Variants in RTL4 observed in about 807,000 individuals in gnomAD.
RTL4 encodes the protein retrotransposon Gag like 4.
Under a neutral mutation model 5.3 loss-of-function variants are expected in RTL4, and 4 were observed. That is an observed-to-expected ratio of 0.75 (90% CI 0.37 to 1.72). RTL4 has a LOEUF of 1.72. Among genes scored for constraint, RTL4 ranks in the 40% most tolerant of loss-of-function variants. The probability of loss-of-function intolerance (pLI) is 0.04; values close to 1 mark genes in which losing one functional copy is unlikely to be tolerated. For missense variants in RTL4, 260 were observed against 227.1 expected, an observed-to-expected ratio of 1.14 and a Z score of -0.93; for synonymous variants, 98 against 87.3, an observed-to-expected ratio of 1.12 and a Z score of -0.68.
chrX:112,354,054 T>C, the RTL4 span, among the ~76,000 whole-genome samples: 39,079 of 110,067 alleles, frequency 0.36, 7,025 homozygotes, highest in African/African-American at 0.7. Flanking sequence ...GCCAACAGTT[T>C]TATTTCCTAA....
the RTL4 span, among the ~76,000 whole-genome samples, chrX:112,328,522 C>T: frequency 9.0e-6 from 1 of 111,452 alleles, no homozygotes; most frequent in Admixed American, 9.5e-5. Flanking sequence ...TCCTGAGTGA[C>T]CTACAAAGAG....
At chrX:112,432,846 A>C in the RTL4 span, among the ~76,000 whole-genome samples, 2 of 111,527 alleles carry the variant, frequency 1.8e-5, no homozygotes, top group African/African-American at 3.3e-5. Flanking sequence ...GTTTTCTTCT[A>C]GGGTTTTTAT....
chrX:112,358,338 G>A, the RTL4 span, among the ~76,000 whole-genome samples: 10 of 108,832 alleles, frequency 9.2e-5, no homozygotes, highest in African/African-American at 1.3e-4. Context: ...CCAGCTCCTG[G>A]ACTCAAGTGA....
At chrX:112,442,309 C>T in the RTL4 span, among the ~76,000 whole-genome samples, 4 of 107,839 alleles carry the variant, frequency 3.7e-5, no homozygotes, top group Non-Finnish European at 5.7e-5. Context: ...GGCACAGTCT[C>T]GGCTCACTGC....
the RTL4 span, among the ~76,000 whole-genome samples, chrX:112,114,050 T>A: frequency 0.013 from 1,428 of 111,802 alleles, 25 homozygotes; most frequent in African/African-American, 0.043. Flanking sequence ...GGTAATAAAC[T>A]TATCTTTTAG....
the RTL4 span, among the ~76,000 whole-genome samples, chrX:112,401,427 C>G: frequency 1.8e-5 from 2 of 111,660 alleles, no homozygotes; most frequent in Non-Finnish European, 3.8e-5. Flanking sequence ...CAACATCTTG[C>G]TCTCATTTCA....
the RTL4 span, among the ~76,000 whole-genome samples, chrX:112,187,883 T>C: frequency 9.0e-6 from 1 of 111,716 alleles, no homozygotes; most frequent in Non-Finnish European, 1.9e-5. Flanking sequence ...CCATTGATGA[T>C]TTCTGAGCAT....
chrX:112,407,392 T>C, the RTL4 span, among the ~76,000 whole-genome samples: 1 of 111,442 alleles, frequency 9.0e-6, no homozygotes, highest in East Asian at 2.9e-4. Flanking sequence ...GTGGTGGCAG[T>C]AACCATGGAG....
the RTL4 span, among the ~76,000 whole-genome samples, chrX:112,432,623 G>A: frequency 8.0e-5 from 7 of 87,350 alleles, no homozygotes; most frequent in East Asian, 3.5e-4. Context: ...TGTAGATTCT[G>A]GATATTAGCC....
the RTL4 span, among the ~76,000 whole-genome samples, chrX:112,391,642 T>C: frequency 0.013 from 1,401 of 107,918 alleles, 15 homozygotes; most frequent in African/African-American, 0.044. Flanking sequence ...CTTAGGTGTT[T>C]TGGTCAGTTG....
the RTL4 span, among the ~76,000 whole-genome samples, chrX:112,261,674 T>C: frequency 9.9e-5 from 11 of 111,672 alleles, no homozygotes; most frequent in African/African-American, 2.9e-4. Flanking sequence ...ACTTTCTTCA[T>C]AGAATTGGAA....
chrX:112,325,356 C>A, the RTL4 span, among the ~76,000 whole-genome samples: 2 of 111,491 alleles, frequency 1.8e-5, no homozygotes, highest in Non-Finnish European at 3.8e-5. Context: ...AATCCTAAGC[C>A]AAAAGAACAA....
the RTL4 span, among the ~76,000 whole-genome samples, chrX:112,447,879 G>A: frequency 3.6e-5 from 4 of 111,578 alleles, no homozygotes; most frequent in Non-Finnish European, 1.9e-5. Context: ...CTTAAACATG[G>A]CCCAAATAAC....
chrX:112,370,186 AC>A, the RTL4 span, among the ~76,000 whole-genome samples: 1 of 111,170 alleles, frequency 9.0e-6, no homozygotes, highest in East Asian at 2.8e-4. Context: ...CAAGAATTGG[AC>A]CCTGGGGGCC....
chrX:112,361,517 T>C, the RTL4 span, among the ~76,000 whole-genome samples: 2 of 111,466 alleles, frequency 1.8e-5, no homozygotes, highest in African/African-American at 6.5e-5. Flanking sequence ...AGGATTCTAA[T>C]TCGACAACTT....
the RTL4 span, among the ~76,000 whole-genome samples, chrX:112,315,598 T>C: frequency 0.25 from 27,555 of 111,124 alleles, 2,730 homozygotes; most frequent in African/African-American, 0.34. Context: ...TACAACCATC[T>C]TCATGTGTTT....
chrX:112,210,521 TC>T, the RTL4 span, among the ~76,000 whole-genome samples: 1 of 112,477 alleles, frequency 8.9e-6, no homozygotes, highest in African/African-American at 3.2e-5. Flanking sequence ...TATTTGAGTT[TC>T]TTGTACATTA....
chrX:112,322,400 T>C, the RTL4 span, among the ~76,000 whole-genome samples: 1 of 110,154 alleles, frequency 9.1e-6, no homozygotes, highest in African/African-American at 3.3e-5. Flanking sequence ...TGGATGTTTC[T>C]TCATTTCCGA....
chrX:112,276,948 C>CA, the RTL4 span, among the ~76,000 whole-genome samples: 2 of 112,163 alleles, frequency 1.8e-5, no homozygotes, highest in Non-Finnish European at 3.8e-5. Context: ...TGTTCAGTTT[C>CA]ATAAAACAGA....
Sources: gnomAD v4.1 joint callset for allele counts (sites outside exome capture counted in the v4.1 genomes callset) on GRCh38, gnomAD v4.1.1 for gene constraint, MANE v1.5 for transcripts, NCBI Gene and HGNC (gene_info 2026-07-23, HGNC 2026-07-21) for gene names.